FAAH2: variants seen among roughly 807,000 people sequenced by gnomAD.
The protein encoded by FAAH2 is fatty acid amide hydrolase 2.
A neutral mutation model predicts 36.9 loss-of-function variants in FAAH2; 60 were observed. The ratio of observed to expected loss-of-function variants is 1.63; its 90% CI spans 1.32 to 2.02. FAAH2 has a LOEUF of 2.02. FAAH2 is among the 30% of genes most tolerant of loss of function. The pLI, the probability that FAAH2 is intolerant of heterozygous loss-of-function variation, is 0.00. For synonymous variants in FAAH2, 214 were observed against 143.8 expected, an observed-to-expected ratio of 1.49 and a Z score of -3.49; for missense variants, 689 against 397.5, an observed-to-expected ratio of 1.73 and a Z score of -6.23.
chrX:57,420,234 A>AG (rs1278061483), intron 7 of FAAH2, among the ~76,000 whole-genome samples: 1 of 84,802 alleles, frequency 1.2e-5, no homozygotes, highest in Non-Finnish European at 2.2e-5. Flanking sequence ...ACTTTAAAGT[A>AG]GTTTTTTTCC....
chrX:57,126,059 G>C, the FAAH2 span, among the ~76,000 whole-genome samples: 1 of 112,229 alleles, frequency 8.9e-6, no homozygotes, highest in African/African-American at 3.2e-5. Context: ...AAAGAGGCCA[G>C]ACAACAAAGG....
intron 7 of FAAH2, among the ~76,000 whole-genome samples, chrX:57,416,917 T>C (rs1174718665): frequency 8.9e-6 from 1 of 112,169 alleles, no homozygotes; most frequent in Non-Finnish European, 1.9e-5. Flanking sequence ...CTTGGAGACT[T>C]TGTTTGCTTT....
chrX:57,288,174 C>A (rs2051865239), intron 1 of FAAH2, among the ~76,000 whole-genome samples: 1 of 110,277 alleles, frequency 9.1e-6, no homozygotes, highest in Non-Finnish European at 1.9e-5. Context: ...GTTCATGGCT[C>A]TGTGACCTTG....
At chrX:57,122,461 G>A in the FAAH2 span, among the ~76,000 whole-genome samples, 30,659 of 110,598 alleles carry the variant, frequency 0.28, 3,308 homozygotes, top group Middle Eastern at 0.55. Context: ...TCTATGTATC[G>A]GAATAGAAAG....
intron 10 of FAAH2, among the ~76,000 whole-genome samples, chrX:57,457,974 A>G (rs1018258124): frequency 2.7e-5 from 3 of 112,123 alleles, no homozygotes; most frequent in African/African-American, 9.7e-5. Flanking sequence ...ACAAAAAAAG[A>G]ACCTCAACAG....
chrX:57,473,792 T>C (rs1201157960), intron 10 of FAAH2, among the ~76,000 whole-genome samples: 6 of 111,770 alleles, frequency 5.4e-5, no homozygotes, highest in Non-Finnish European at 1.1e-4. Flanking sequence ...GTACCATTGT[T>C]GATCTAAAGT....
intron 10 of FAAH2, among the ~76,000 whole-genome samples, chrX:57,476,335 G>T (rs929753891): frequency 2.7e-5 from 3 of 110,699 alleles, no homozygotes; most frequent in African/African-American, 9.9e-5. Context: ...CTATAAGTTT[G>T]TCATAAATAG....
At chrX:57,482,994 T>C (rs887683248) in intron 10 of FAAH2, among the ~76,000 whole-genome samples, 3 of 110,597 alleles carry the variant, frequency 2.7e-5, no homozygotes, top group Non-Finnish European at 5.7e-5. Flanking sequence ...ACCTTCATAA[T>C]GTTTATTTTA....
At chrX:57,383,581 A>C (rs902442271) in intron 7 of FAAH2, among the ~76,000 whole-genome samples, 4 of 111,917 alleles carry the variant, frequency 3.6e-5, no homozygotes, top group African/African-American at 1.3e-4. Context: ...CAATTGCTTC[A>C]AAGAGAATAA....
intron 5 of FAAH2, among the ~76,000 whole-genome samples, chrX:57,351,039 T>A (rs1180919042): frequency 9.0e-6 from 1 of 111,509 alleles, no homozygotes; most frequent in East Asian, 2.8e-4. Flanking sequence ...GAATATACAT[T>A]CTTTTCATCA....
At chrX:57,451,593 A>T (rs2056784510) in intron 10 of FAAH2, among the ~76,000 whole-genome samples, 1 of 111,495 alleles carries the variant, frequency 9.0e-6, no homozygotes, top group Non-Finnish European at 1.9e-5. Context: ...AAGGATGTTG[A>T]GTAAGTATTA....
intron 2 of FAAH2, among the ~76,000 whole-genome samples, chrX:57,300,692 A>T (rs1400992468): frequency 9.0e-6 from 1 of 111,541 alleles, no homozygotes; most frequent in Non-Finnish European, 1.9e-5. Context: ...ATGGGAGAAA[A>T]TTTTTTGCAA....
intron 7 of FAAH2, among the ~76,000 whole-genome samples, chrX:57,420,533 G>T (rs1014028711): frequency 1.8e-5 from 2 of 110,836 alleles, no homozygotes; most frequent in African/African-American, 6.6e-5. Context: ...TCTGTTATTG[G>T]TGTATAAGAA....
the FAAH2 span, among the ~76,000 whole-genome samples, chrX:57,246,961 A>G: frequency 8.9e-6 from 1 of 111,878 alleles, no homozygotes; most frequent in Non-Finnish European, 1.9e-5. Flanking sequence ...ATATAAAAAC[A>G]AATCCATATG....
chrX:57,297,514 G>A (rs972539802), intron 2 of FAAH2, among the ~76,000 whole-genome samples: 1 of 95,774 alleles, frequency 1.0e-5, no homozygotes, highest in African/African-American at 3.8e-5. Context: ...AAATTGTAAA[G>A]ACCATCAAGG....
Position 57,445,931 on chromosome X carries a change from A to C in FAAH2, c.1117-997A>C, listed in dbSNP as rs1008539718. Reference sequence around the variant, plus strand: ...TCCTTGAGGTCTGATGGCCACTCAAATTTACTTCAGGCCTCGGGCCATGTT... The same window carrying C: ...TCCTTGAGGTCTGATGGCCACTCAACTTTACTTCAGGCCTCGGGCCATGTT... On this transcript the variant is annotated intron_variant, in intron 8 of 10. Transcript: ENST00000374900. Among the ~76,000 whole-genome samples the C allele has an allele frequency of 1.4e-4, 16 of 112,093 alleles. No homozygotes were observed. In the South Asian group the frequency reaches 1.5e-3, roughly 10 times the overall value.
the FAAH2 span, chrX:57,136,668 C>T: frequency 3.2e-6 from 1 of 310,182 alleles, no homozygotes; most frequent in African/African-American, 3.9e-5. Flanking sequence ...TCCCTATAGC[C>T]ATGTCTGGAT....
chrX:57,310,780 A>ATT (rs2052670717), intron 3 of FAAH2, 51 bp downstream of exon 3: 1 of 1,132,517 alleles, frequency 8.8e-7, no homozygotes, highest in Admixed American at 2.7e-5. Context: ...AAGTTGCTAC[A>ATT]TTTTCTAAAC....
intron 4 of FAAH2, among the ~76,000 whole-genome samples, chrX:57,334,685 G>T (rs1218362871): frequency 9.0e-6 from 1 of 111,453 alleles, no homozygotes; most frequent in African/African-American, 3.3e-5. Context: ...ATATGGGATG[G>T]GATAAAGGAA....
Sources: allele counts gnomAD v4.1 joint callset (sites outside exome capture counted in the v4.1 genomes callset), GRCh38; gene constraint gnomAD v4.1.1; transcripts MANE v1.5; gene names NCBI Gene and HGNC (gene_info 2026-07-23, HGNC 2026-07-21).